The following SVIL variants were observed in gnomAD, a reference collection of about 807,000 sequenced individuals.
The protein encoded by SVIL is supervillin, also known as archvillin.
A neutral mutation model predicts 240.4 loss-of-function variants in SVIL; 101 were observed. That is an observed-to-expected ratio of 0.42 (90% CI 0.36 to 0.50). SVIL has a LOEUF of 0.50. SVIL is among the 20% of genes least tolerant of loss of function. The probability of loss-of-function intolerance (pLI) is 0.01; values close to 1 mark genes in which losing one functional copy is unlikely to be tolerated. For synonymous variants in SVIL, 999 were observed against 1,100.0 expected, an observed-to-expected ratio of 0.91 and a Z score of 1.82; for missense variants, 2,512 against 2,818.7, an observed-to-expected ratio of 0.89 and a Z score of 2.46.
intron 3 of SVIL, among the ~76,000 whole-genome samples, chr10:29,641,004 T>C (rs988247194): frequency 3.9e-5 from 6 of 152,240 alleles, no homozygotes; most frequent in African/African-American, 1.4e-4. Context: ...TTCTTACCCA[T>C]GGAAGCCCAC....
At chr10:29,723,080 A>G (rs1964083931) in intron 1 of SVIL, among the ~76,000 whole-genome samples, 1 of 152,196 alleles carries the variant, frequency 6.6e-6, no homozygotes, top group Admixed American at 6.5e-5. Context: ...CTCCATAAAT[A>G]TTTATAAATG....
At chr10:29,562,640 A>G (rs1011192664) in intron 3 of SVIL, among the ~76,000 whole-genome samples, 1 of 152,120 alleles carries the variant, frequency 6.6e-6, no homozygotes, top group Non-Finnish European at 1.5e-5. Flanking sequence ...GGGCGCCTGT[A>G]GTCCCAGCTA....
intron 1 of SVIL, among the ~76,000 whole-genome samples, chr10:29,599,651 A>C (rs1407142662): frequency 6.6e-6 from 1 of 152,148 alleles, no homozygotes; most frequent in Admixed American, 6.5e-5. Context: ...TCCTGACCTC[A>C]GATGATCCGC....
intron 29 of SVIL, 34 bp downstream of exon 29, chr10:29,480,503 T>C: frequency 6.2e-7 from 1 of 1,605,786 alleles, no homozygotes; most frequent in Non-Finnish European, 8.5e-7. Flanking sequence ...GGCCAGCCTC[T>C]TTCAGCTGGA....
In SVIL at chr10:29,568,787, G is replaced by GTGGATGGATGGA. The variant is rs10667163; in HGVS notation, c.-143+456_-143+467dup. Among the ~76,000 whole-genome samples the GTGGATGGATGGA allele has an allele frequency of 7.9e-4, 110 of 139,780 alleles. 2 individuals carry two copies. In the South Asian group the frequency reaches 0.022, roughly 28 times the overall value. 91.7% of individuals were successfully genotyped at this position (139,780 alleles called of 152,430 possible). On this transcript the variant is annotated intron_variant, in intron 2 of 37. Transcript: ENST00000355867. ...ATAACTCACATGGATGGGTGGATGG[G>GTGGATGGATGGA]TGGATGGATGGATGGATGGATGGAT...
chr10:29,533,565 A>G, intron 7 of SVIL, 107 bp from the exon 8 acceptor site: 1 of 1,449,012 alleles, frequency 6.9e-7, no homozygotes, highest in Non-Finnish European at 9.1e-7. Flanking sequence ...GACCTGAGAG[A>G]GAATAACTTG....
At chr10:29,666,490 C>T (rs1360728763) in intron 2 of SVIL, among the ~76,000 whole-genome samples, 1 of 152,196 alleles carries the variant, frequency 6.6e-6, no homozygotes, top group Non-Finnish European at 1.5e-5. Context: ...AGGGATCTCT[C>T]CCTAGATCTT....
Position 29,591,110 on chromosome 10 carries a change from T to A in SVIL, c.-200-21798A>T, listed in dbSNP as rs866157067. 2.0e-5 allele frequency among the ~76,000 whole-genome samples: 3 copies of A among 152,284 alleles called. No homozygotes were observed. In the South Asian group the frequency reaches 6.2e-4, roughly 31 times the overall value. ...CAAACTCCCTGCCCACACAAACTTA[T>A]GTTCTAGTAATAACCAAATAAAGAT... On this transcript the variant is annotated intron_variant, in intron 1 of 37. Coordinates refer to ENST00000355867, the MANE Select transcript of SVIL (RefSeq NM_021738.3).
chr10:29,561,664 T>C (rs1023784083), intron 3 of SVIL, among the ~76,000 whole-genome samples: 9 of 151,596 alleles, frequency 5.9e-5, no homozygotes, highest in Non-Finnish European at 8.8e-5. Context: ...CCATGCCCCA[T>C]CTGCACCCGT....
In SVIL at chr10:29,536,724, A is replaced by G. The variant is rs564262292; in HGVS notation, c.828-655T>C. ...TAGGAGTCCAAGACCAGCCTGGCCA[A>G]CATGGTGAAACCCCATCTCTACTAA... On this transcript the variant is annotated intron_variant, in intron 6 of 37. Transcript: ENST00000355867. Among the ~76,000 whole-genome samples the G allele has an allele frequency of 5.3e-5, 8 of 152,198 alleles. No homozygotes were observed. The South Asian group carries it at 1.5e-3, about 28-fold the overall frequency.
intron 17 of SVIL, among the ~76,000 whole-genome samples, chr10:29,507,439 G>A (rs532421643): frequency 6.6e-6 from 1 of 152,120 alleles, no homozygotes; most frequent in Non-Finnish European, 1.5e-5. Flanking sequence ...ATCAGTGTGT[G>A]TGTGACTGAT....
intron 17 of SVIL, chr10:29,507,785 A>G: frequency 1.0e-6 from 1 of 985,398 alleles, no homozygotes; most frequent in Non-Finnish European, 1.2e-6. Flanking sequence ...CAGGAATAGC[A>G]GGAGAATAAG....
chr10:29,683,031 A>T (rs940949217), intron 2 of SVIL, among the ~76,000 whole-genome samples: 3 of 152,222 alleles, frequency 2.0e-5, no homozygotes, highest in African/African-American at 7.2e-5. Context: ...GGCTCAGGGG[A>T]TCCTGAGAAC....
At chr10:29,517,348 T>A (rs1386196397) in intron 16 of SVIL, among the ~76,000 whole-genome samples, 2 of 151,760 alleles carry the variant, frequency 1.3e-5, no homozygotes, top group East Asian at 3.9e-4. Context: ...ATCATTTGAG[T>A]CCCAGGAGGT....
At chr10:29,676,102 C>T (rs368526406) in intron 2 of SVIL, among the ~76,000 whole-genome samples, 5 of 152,140 alleles carry the variant, frequency 3.3e-5, no homozygotes, top group African/African-American at 1.2e-4. Context: ...TTCCTGTTTC[C>T]CATGCATGGT....
At position 29,457,924 on chromosome 10, in the gene SVIL, C is replaced by CA. The variant is rs34048226; in HGVS notation, c.*322dup. 1,675 of 138,634 alleles carry CA rather than the reference C, an allele frequency of 0.012. 14 individuals are homozygous for CA. The highest frequency in any genetic ancestry group is 0.049 in the Middle Eastern group (15 of 306). The allele number at this position is 138,634 out of a possible 1,614,324, so 8.6% of individuals were successfully genotyped here. A position where few individuals can be genotyped will look rare whatever the true frequency, so the allele number is the denominator to read the frequency against. ...TAACACTTTATAAAGAGAACTGCTT[C>CA]AAAAAAAAAAAAAAAAGGCATTGCC... On this transcript the variant is annotated 3_prime_UTR_variant, in exon 38 of 38. Coordinates refer to ENST00000355867, the MANE Select transcript of SVIL (RefSeq NM_021738.3).
At chr10:29,687,099 A>AT in intron 1 of SVIL, among the ~76,000 whole-genome samples, 1 of 152,360 alleles carries the variant, frequency 6.6e-6, no homozygotes, top group Admixed American at 6.5e-5. Flanking sequence ...GACTGCCTCC[A>AT]TAGGTAAGTA....
intron 5 of SVIL, among the ~76,000 whole-genome samples, chr10:29,553,763 C>A (rs1953617143): frequency 6.6e-6 from 1 of 152,196 alleles, no homozygotes; most frequent in African/African-American, 2.4e-5. Context: ...ACTCAACATA[C>A]TGTTTAATAT....
At chr10:29,717,383 A>T (rs1001475118) in intron 1 of SVIL, among the ~76,000 whole-genome samples, 1 of 152,074 alleles carries the variant, frequency 6.6e-6, no homozygotes, top group African/African-American at 2.4e-5. Context: ...GAGGCAGGAG[A>T]ATTTATGTCA....
Sources: gnomAD v4.1 joint callset for allele counts (sites outside exome capture counted in the v4.1 genomes callset) on GRCh38, gnomAD v4.1.1 for gene constraint, MANE v1.5 for transcripts, NCBI Gene and HGNC (gene_info 2026-07-23, HGNC 2026-07-21) for gene names.